The following INSL6 variants were observed in gnomAD, a reference collection of about 807,000 sequenced individuals.
INSL6 encodes insulin like 6.
INSL6 carries 16 observed loss-of-function variants against 9.4 expected under a neutral mutation model. The observed-to-expected ratio is 1.70, with a 90% confidence interval of 1.15 to 2.59. The LOEUF (loss-of-function observed/expected upper bound fraction) is 2.59. Ranked by LOEUF, INSL6 falls within the 30% of genes most tolerant of loss-of-function variation. The pLI is 0.00. For missense variants in INSL6, 391 were observed against 257.3 expected (o/e 1.52, Z -3.56); for synonymous variants, 154 against 96.9 (o/e 1.59, Z -3.46).
At chr9:5,108,498 A>G in the INSL6 span, 1 of 152,066 alleles carries the variant, frequency 6.6e-6, no homozygotes, top group Admixed American at 6.5e-5. Flanking sequence ...CTTATCCAAT[A>G]ATCTTATATG....
intron 3 of INSL6, among the ~76,000 whole-genome samples, chr9:5,128,382 G>C (rs1456431494): frequency 6.6e-6 from 1 of 151,608 alleles, no homozygotes; most frequent in East Asian, 1.9e-4. Flanking sequence ...AGATTTTTTT[G>C]AAAGTTTAAT....
At chr9:5,069,278 G>A in the INSL6 span, 1 of 985,146 alleles carries the variant, frequency 1.0e-6, no homozygotes, top group Non-Finnish European at 1.5e-6. Flanking sequence ...AGTATCTTCA[G>A]TACATTGATT....
chr9:5,177,497 G>T (rs1334886406), intron 1 of INSL6, among the ~76,000 whole-genome samples: 2 of 152,168 alleles, frequency 1.3e-5, no homozygotes, highest in African/African-American at 4.8e-5. Flanking sequence ...CAGAGCAAAC[G>T]CTCAGGCACA....
the INSL6 span, among the ~76,000 whole-genome samples, chr9:5,030,254 T>C: frequency 6.6e-6 from 1 of 152,172 alleles, no homozygotes; most frequent in African/African-American, 2.4e-5. Context: ...TAGAATGCAA[T>C]TTCACATCTT....
the INSL6 span, among the ~76,000 whole-genome samples, chr9:5,007,233 A>G: frequency 9.2e-5 from 14 of 152,194 alleles, no homozygotes; most frequent in South Asian, 2.1e-4. Context: ...CGTCTTGTGT[A>G]TGAATTTAAG....
the INSL6 span, among the ~76,000 whole-genome samples, chr9:5,003,081 A>G: frequency 1.3e-5 from 2 of 151,838 alleles, no homozygotes; most frequent in East Asian, 1.9e-4. Context: ...ATTCTGTTCC[A>G]TTTGTCTATT....
chr9:5,138,892 TTA>T (rs1330946605), intron 2 of INSL6, among the ~76,000 whole-genome samples: 1 of 147,352 alleles, frequency 6.8e-6, no homozygotes, highest in African/African-American at 2.6e-5. Context: ...CGGGTTGTTT[TTA>T]TATAGTCACA....
the INSL6 span, among the ~76,000 whole-genome samples, chr9:5,006,153 A>G: frequency 6.6e-6 from 1 of 151,942 alleles, no homozygotes; most frequent in African/African-American, 2.4e-5. Flanking sequence ...ATTTGTTTGT[A>G]TCCTCTTTTA....
intron 3 of INSL6, chr9:5,132,962 C>G (rs1489821636): frequency 6.6e-6 from 1 of 152,170 alleles, no homozygotes; most frequent in Non-Finnish European, 1.5e-5. Context: ...CTCAAATAAT[C>G]TCATCATCCA....
the INSL6 span, among the ~76,000 whole-genome samples, chr9:5,062,838 G>T: frequency 6.6e-6 from 1 of 152,110 alleles, no homozygotes. Flanking sequence ...AATACCTCAT[G>T]TGTTTATAGG....
intron 2 of INSL6, among the ~76,000 whole-genome samples, chr9:5,144,820 T>C (rs1334342342): frequency 6.6e-6 from 1 of 152,240 alleles, no homozygotes; most frequent in Non-Finnish European, 1.5e-5. Flanking sequence ...ATTTCCTTGG[T>C]AGATTTTTCT....
At chr9:5,061,278 A>G in the INSL6 span, among the ~76,000 whole-genome samples, 6 of 152,328 alleles carry the variant, frequency 3.9e-5, no homozygotes, top group African/African-American at 1.2e-4. Context: ...TTGAAGTTTG[A>G]AGGCAAGCAC....
chr9:5,145,225 T>A (rs1475879980), intron 2 of INSL6, among the ~76,000 whole-genome samples: 1 of 151,494 alleles, frequency 6.6e-6, no homozygotes, highest in South Asian at 2.1e-4. Flanking sequence ...CTTATGAAGC[T>A]TAGCTTGGCC....
At chr9:5,050,766 G>A in the INSL6 span, 1 of 1,613,264 alleles carries the variant, frequency 6.2e-7, no homozygotes, top group Middle Eastern at 1.7e-4. Context: ...GGATGGCAGT[G>A]TTAGATATGA....
the INSL6 span, chr9:5,078,284 T>C: frequency 5.7e-5 from 91 of 1,601,882 alleles, no homozygotes; most frequent in African/African-American, 1.1e-3. Context: ...TATTTGAATA[T>C]ATGTGCGTTT....
At chr9:5,162,224 A>T (rs927026527), downstream of INSL6, among the ~76,000 whole-genome samples, 7 of 150,360 alleles carry the variant, frequency 4.7e-5, no homozygotes, top group African/African-American at 1.7e-4. Flanking sequence ...GGTATCTCAG[A>T]TTTTTTTTTT....
At chr9:5,062,001 A>C in the INSL6 span, among the ~76,000 whole-genome samples, 1 of 152,218 alleles carries the variant, frequency 6.6e-6, no homozygotes. Context: ...TCGGTGGAGC[A>C]GTCAGAACAT....
the INSL6 span, among the ~76,000 whole-genome samples, chr9:5,016,376 G>C: frequency 6.6e-6 from 1 of 152,176 alleles, no homozygotes; most frequent in African/African-American, 2.4e-5. Context: ...GTTAGATGAG[G>C]AGGGACACCA....
In INSL6 at chr9:5,150,487, TG is replaced by T. The variant is rs1272320085; in HGVS notation, c.376+13691del. Among the ~76,000 whole-genome samples the T allele has an allele frequency of 2.0e-5, 3 of 152,124 alleles. No homozygotes were observed. In the East Asian group the frequency reaches 5.8e-4, roughly 29 times the overall value. The stretch of plus-strand genomic sequence containing the variant: ...CATATGAAAAAATGCTCAACATCAC[TG>T]ATGTTCAGAGAAAAACAAGTTGAAA... On this transcript the variant is annotated intron_variant, in intron 2 of 3. Coordinates refer to the INSL6 transcript ENST00000649639.
Sources: allele counts gnomAD v4.1 joint callset (sites outside exome capture counted in the v4.1 genomes callset), GRCh38; gene constraint gnomAD v4.1.1; transcripts MANE v1.5; gene names NCBI Gene and HGNC (gene_info 2026-07-23, HGNC 2026-07-21).